The following AHNAK2 variants were observed in gnomAD, a reference collection of about 807,000 sequenced individuals.
The protein encoded by AHNAK2 is AHNAK nucleoprotein 2.
Under a neutral mutation model 30.7 loss-of-function variants are expected in AHNAK2, and 18 were observed. The ratio of observed to expected loss-of-function variants is 0.59; its 90% CI spans 0.41 to 0.87. The LOEUF (loss-of-function observed/expected upper bound fraction) is 0.87, where lower values mean the gene tolerates loss of function less well. Ranked by LOEUF, AHNAK2 falls within the 40% of genes least tolerant of loss-of-function variation. The pLI is 0.00. For synonymous variants in AHNAK2, 3,590 were observed against 3,073.8 expected, an observed-to-expected ratio of 1.17 and a Z score of -5.56; for missense variants, 8,604 against 7,373.0, an observed-to-expected ratio of 1.17 and a Z score of -6.11.
intron 1 of AHNAK2, among the ~76,000 whole-genome samples, chr14:104,974,206 C>T (rs1465691254): frequency 6.6e-6 from 1 of 152,246 alleles, no homozygotes; most frequent in African/African-American, 2.4e-5. Flanking sequence ...ACCCTTAGAG[C>T]GGGTGGAGGG....
At position 104,948,981 on chromosome 14, in the gene AHNAK2, T is replaced by G; in HGVS notation, c.6470A>C (p.Lys2157Thr). 2.4e-6 allele frequency: 3 copies of G among 1,245,118 alleles called. 1 individual carries two copies. The highest frequency in any genetic ancestry group is 3.4e-6 in the Non-Finnish European group (3 of 878,910). 77.1% of individuals were successfully genotyped at this position (1,245,118 alleles called of 1,614,324 possible). ...TTKDSKFKMPKFKMPSFGVSA... is the reference protein window; with the variant it reads ...TTKDSKFKMPTFKMPSFGVSA... ...CACCCCAAACGACGGCATCTTGAAC[T>G]TGGGCATTTTGAACTTGCTGTCTTT... The change falls in exon 7 of 7, where the codon AAG (lysine) becomes ACG (threonine). Residue 2157 changes from lysine to threonine, a missense_variant. By Grantham distance (78) the Lys-to-Thr change is moderately conservative. Transcript: ENST00000333244.
Position 104,947,599 on chromosome 14 carries a change from C to G in AHNAK2, c.7852G>C (p.Val2618Leu), listed in dbSNP as rs199877699. 1 of 1,613,120 alleles carries G rather than the reference C, an allele frequency of 6.2e-7. No homozygotes were observed. Among genetic ancestry groups the G allele is most frequent in the East Asian group, 2.2e-5 (1 of 44,780 alleles). Residue 2618 changes from valine (V) to leucine (L), a missense_variant, in exon 7 of 7, where the codon GTC becomes CTC. Physicochemically the swap from Val to Leu is conservative, Grantham distance 32. Transcript: ENST00000333244. Reference sequence around the variant, plus strand: ...TCCAGCTTTGCTCTCGGGGCCTGGACGTCCACCTCCATGCTGGACAGAGAC... The same window carrying G: ...TCCAGCTTTGCTCTCGGGGCCTGGAGGTCCACCTCCATGCTGGACAGAGAC... ...EMSLSSMEVD[V>L]QAPRAKLDGA...
In AHNAK2 at chr14:104,951,416, C is replaced by G; in HGVS notation, c.4035G>C (p.Lys1345Asn). Residue 1345 changes from lysine (K) to asparagine (N), a missense_variant, in exon 7 of 7, where the codon AAG (lysine) becomes AAC (asparagine). Physicochemically the swap from Lys to Asn is moderately conservative, Grantham distance 94 (BLOSUM62 0). Transcript: ENST00000333244. ...MPSFGVSAPG[K>N]SIEASVDLSA... Reference sequence around the variant, plus strand: ...ACAGGTCCACGGAGGCCTCAATGGACTTGCCTGGGGCAGACACCCCGAACG... The same window carrying G: ...ACAGGTCCACGGAGGCCTCAATGGAGTTGCCTGGGGCAGACACCCCGAACG... 8.3e-7 allele frequency: 1 copy of G among 1,198,972 alleles called. No homozygotes were observed. Among genetic ancestry groups the G allele is most frequent in the Non-Finnish European group, 1.2e-6 (1 of 840,750 alleles). The allele number at this position is 1,198,972 out of a possible 1,614,324, so 74.3% of individuals were successfully genotyped here. A position where few individuals can be genotyped will look rare whatever the true frequency, so the allele number is the denominator to read the frequency against.
At chr14:104,962,491 T>C (rs1425685777) in intron 1 of AHNAK2, among the ~76,000 whole-genome samples, 3 of 152,200 alleles carry the variant, frequency 2.0e-5, no homozygotes, top group Non-Finnish European at 4.4e-5. Context: ...AGTGGCACAA[T>C]CTCAGCTCAC....
rs1478643593 is a variant in AHNAK2 at position 104,938,996 on chromosome 14, T to G, written c.16455A>C (p.Pro5485=). The G allele has an allele frequency of 1.2e-6, 2 of 1,611,902 alleles. No homozygotes were observed. ...TGGGTACTGAGAGATCTACAAACTCTGGTGTCACTATGCTGTGTATAGTGA... is the reference window on the plus strand; with the variant it reads ...TGGGTACTGAGAGATCTACAAACTCGGGTGTCACTATGCTGTGTATAGTGA... The part of the protein sequence containing the change: ...QEVTIHSIVT[P]EFVDLSVPRT... The change falls in exon 7 of 7, where the codon CCA becomes CCC. Residue 5485 remains proline, a synonymous_variant. Transcript: ENST00000333244.
rs781405722 is a variant in AHNAK2 at position 104,945,362 on chromosome 14, C to T, written c.10089G>A (p.Val3363=). 14 of 1,609,724 alleles carry T rather than the reference C, an allele frequency of 8.7e-6. No individual in the cohort carries two copies. The highest frequency in any genetic ancestry group is 7.7e-5 in the South Asian group (7 of 90,816). The part of the protein sequence containing the change: ...TTDLSIQLPS[V]DLEVQAGQVD... ...CCTGGCCAGCCTGGACCTCCAGGTC[C>T]ACAGAAGGGAGCTGAATGCTGAGGT... The change falls in exon 7 of 7, where the codon GTG becomes GTA. Residue 3363 remains valine (V), a synonymous_variant. Coordinates refer to ENST00000333244, the MANE Select transcript of AHNAK2 (RefSeq NM_138420.4).
At chr14:104,971,318 T>C (rs941737443) in intron 1 of AHNAK2, among the ~76,000 whole-genome samples, 5 of 152,160 alleles carry the variant, frequency 3.3e-5, no homozygotes, top group African/African-American at 7.2e-5. Context: ...TCCTACCATA[T>C]TGTCCAGGCT....
Position 104,938,284 on chromosome 14 carries a change from C to G in AHNAK2, c.17167G>C (p.Glu5723Gln). The G allele has an allele frequency of 6.2e-7, 1 of 1,613,906 alleles. No individual in the cohort carries two copies. Among genetic ancestry groups the G allele is most frequent in the Non-Finnish European group, 8.5e-7 (1 of 1,179,864 alleles). ...KSTEDGAELE[E>Q]QKLQEETITF... is the part of the protein sequence containing the mutation. ...ATTGTTTCTTCTTGAAGTTTTTGTT[C>G]TTCCAGCTCTGCCCCATCTTCGGTG... The change falls in exon 7 of 7, where the codon GAA (glutamate) becomes CAA (glutamine). Residue 5723 changes from glutamate (E) to glutamine (Q), a missense_variant. Coordinates refer to ENST00000333244, the MANE Select transcript of AHNAK2 (RefSeq NM_138420.4).
chr14:104,944,246 G>A lies in AHNAK2; in HGVS notation c.11205C>T (p.Asp3735=), dbSNP rs1898138345. 1.9e-6 allele frequency: 3 copies of A among 1,612,836 alleles called. No individual in the cohort carries two copies. The East Asian group carries it at 6.7e-5, about 36-fold the overall frequency. ...TGATGTCCACCTGGGGGCCCTTGAG[G>A]TCCACTTTGGGCATCTTCAAACTGG... ...EMPSLKMPKV[D]LKGPQVDIKG... Residue 3735 remains aspartate, a synonymous_variant, in exon 7 of 7, where the codon GAC becomes GAT. Transcript: ENST00000333244.
In AHNAK2 at chr14:104,942,399, G is replaced by A. The variant is rs533957888; in HGVS notation, c.13052C>T (p.Pro4351Leu). Reference protein sequence around the residue: ...LKTTHLSIQPPSADLEVQAGQ... With the variant: ...LKTTHLSIQPLSADLEVQAGQ... Reference sequence around the variant, plus strand: ...AGCCTGGACCTCCAGATCAGCGGAAGGGGGCTGAATGCTGAGGTGAGTGGT... The same window carrying A: ...AGCCTGGACCTCCAGATCAGCGGAAAGGGGCTGAATGCTGAGGTGAGTGGT... The change falls in exon 7 of 7, where the codon CCT becomes CTT. Residue 4351 changes from proline (P) to leucine (L), a missense_variant. By Grantham distance (98) the Pro-to-Leu change is moderately conservative. Coordinates refer to ENST00000333244, the MANE Select transcript of AHNAK2 (RefSeq NM_138420.4). 5.0e-6 allele frequency: 8 copies of A among 1,613,172 alleles called. No homozygotes were observed. The Admixed American group carries it at 5.0e-5, about 10-fold the overall frequency.
Position 104,943,913 on chromosome 14 carries a change from G to T in AHNAK2, c.11538C>A (p.Leu3846=). The T allele has an allele frequency of 6.2e-7, 1 of 1,609,822 alleles. No individual in the cohort carries two copies. Among genetic ancestry groups the T allele is most frequent in the African/African-American group, 1.4e-5 (1 of 73,602 alleles). ...DVSLPSMQGD[L]KTTDLSIQPH... Reference sequence around the variant, plus strand: ...GCTGAATGCTGAGGTCAGTGGTCTTGAGGTCCCCCTGCATGGAGGGGAGAC... The same window carrying T: ...GCTGAATGCTGAGGTCAGTGGTCTTTAGGTCCCCCTGCATGGAGGGGAGAC... Residue 3846 remains leucine, a synonymous_variant, in exon 7 of 7, where the codon CTC becomes CTA. Transcript: ENST00000333244.
Position 104,946,610 on chromosome 14 carries a change from G to A in AHNAK2, c.8841C>T (p.Asp2947=), listed in dbSNP as rs751707241. 35 of 1,611,710 alleles carry A rather than the reference G, an allele frequency of 2.2e-5. 2 individuals are homozygous for A. Among genetic ancestry groups the A allele is most frequent in the African/African-American group, 1.3e-4 (10 of 74,102 alleles). Residue 2947 remains aspartate, a synonymous_variant, in exon 7 of 7, where the codon GAC becomes GAT. Transcript: ENST00000333244. ...CCAGCTTTGCTCTCGGGGCCTCGAC[G>A]TCCACCTCCACGCTGGGCAGAGACA... ...VEVSLPSVEV[D]VEAPRAKLDG... is the part of the protein sequence containing the mutation.
At position 104,943,968 on chromosome 14, in the gene AHNAK2, A is replaced by G; in HGVS notation, c.11483T>C (p.Val3828Ala). ...PGKSIEASVHVSAPKVEADVS... is the reference protein window; with the variant it reads ...PGKSIEASVHASAPKVEADVS... ...ATCGGCCTCCACCTTGGGTGCAGAC[A>G]CGTGCACCGAGGCCTCAATGGACTT... Residue 3828 changes from valine (V) to alanine (A), a missense_variant, in exon 7 of 7, where the codon GTG becomes GCG. Physicochemically the swap from Val to Ala is moderately conservative, Grantham distance 64. Transcript: ENST00000333244. 2 of 1,612,600 alleles carry G rather than the reference A, an allele frequency of 1.2e-6. No individual in the cohort carries two copies. Among genetic ancestry groups the G allele is most frequent in the East Asian group, 2.2e-5 (1 of 44,714 alleles).
In AHNAK2 at chr14:104,941,872, C is replaced by T. The variant is rs755388865; in HGVS notation, c.13579G>A (p.Val4527Met). The T allele has an allele frequency of 2.7e-5, 43 of 1,613,342 alleles. No homozygotes were observed. The highest frequency in any genetic ancestry group is 3.6e-5 in the Non-Finnish European group (42 of 1,179,650). ...TGGCCTTCTGGAAGTTTCAAGTCCACCTGGCCAGCCTGGACCTCCAGGTCG... is the reference window on the plus strand; with the variant it reads ...TGGCCTTCTGGAAGTTTCAAGTCCATCTGGCCAGCCTGGACCTCCAGGTCG... Reference protein sequence around the residue: ...SADLEVQAGQVDLKLPEGHMP... With the variant: ...SADLEVQAGQMDLKLPEGHMP... The change falls in exon 7 of 7, where the codon GTG becomes ATG. Residue 4527 changes from valine to methionine, a missense_variant. By Grantham distance (21) the Val-to-Met change is conservative. Coordinates refer to ENST00000333244, the MANE Select transcript of AHNAK2 (RefSeq NM_138420.4).
At chr14:104,972,013 C>T (rs542691940) in intron 1 of AHNAK2, among the ~76,000 whole-genome samples, 69 of 152,346 alleles carry the variant, frequency 4.5e-4, no homozygotes, top group African/African-American at 1.4e-3. Context: ...GCCCCCGCCA[C>T]GGGATGCCAG....
intron 1 of AHNAK2, among the ~76,000 whole-genome samples, chr14:104,971,906 G>A (rs577736515): frequency 6.6e-6 from 1 of 152,382 alleles, no homozygotes; most frequent in African/African-American, 2.4e-5. Context: ...GCAGCGAGGG[G>A]TCAGACCCAG....
chr14:104,958,174 C>T (rs532538721), intron 1 of AHNAK2, among the ~76,000 whole-genome samples: 1 of 152,326 alleles, frequency 6.6e-6, no homozygotes, highest in South Asian at 2.1e-4. Flanking sequence ...TCAGGCCGGG[C>T]ACGGTGGCTC....
At chr14:104,978,028 G>A (rs1203744931) in intron 1 of AHNAK2, among the ~76,000 whole-genome samples, 155 bp downstream of exon 1, 2 of 152,182 alleles carry the variant, frequency 1.3e-5, no homozygotes, top group Admixed American at 6.5e-5. Flanking sequence ...TCCAGCGGCC[G>A]GGAAGGCCCA....
In AHNAK2 at chr14:104,946,165, C is replaced by T; in HGVS notation, c.9286G>A (p.Asp3096Asn). The stretch of plus-strand genomic sequence containing the variant: ...ACCTCCACGTCGGGGGCCGTCACGT[C>T]CGTCTTCGGGCCTTTCAGGTCCAGC... ...PKLDLKGPKT[D>N]VTAPDVEVSQ... is the part of the protein sequence containing the mutation. The change falls in exon 7 of 7, where the codon GAC becomes AAC. Residue 3096 changes from aspartate to asparagine, a missense_variant. Coordinates refer to ENST00000333244, the MANE Select transcript of AHNAK2 (RefSeq NM_138420.4). The T allele has an allele frequency of 6.2e-7, 1 of 1,612,122 alleles. No individual in the cohort carries two copies.
Sources: gnomAD v4.1 joint callset for allele counts (sites outside exome capture counted in the v4.1 genomes callset) on GRCh38, gnomAD v4.1.1 for gene constraint, MANE v1.5 for transcripts, NCBI Gene and HGNC (gene_info 2026-07-23, HGNC 2026-07-21) for gene names.